The following RANBP2 variants were observed in gnomAD, a reference collection of about 807,000 sequenced individuals.
RANBP2 encodes RAN binding protein 2, also known as E3 SUMO-protein ligase RanBP2.
RANBP2 carries 57 observed loss-of-function variants against 303.6 expected under a neutral mutation model. The ratio of observed to expected loss-of-function variants is 0.19; its 90% CI spans 0.15 to 0.23. The LOEUF (loss-of-function observed/expected upper bound fraction) is 0.23, where lower values mean the gene tolerates loss of function less well. Ranked by LOEUF, RANBP2 falls within the 10% of genes least tolerant of loss-of-function variation. The pLI, the probability that RANBP2 is intolerant of heterozygous loss-of-function variation, is 1.00. For missense variants in RANBP2, 3,138 were observed against 3,780.8 expected, an observed-to-expected ratio of 0.83 and a Z score of 4.46; for synonymous variants, 1,167 against 1,301.5, an observed-to-expected ratio of 0.90 and a Z score of 2.23.
At chr2:109,123,442 T>C in the RANBP2 span, among the ~76,000 whole-genome samples, 2 of 144,294 alleles carry the variant, frequency 1.4e-5, no homozygotes, top group African/African-American at 5.0e-5. Flanking sequence ...CAAGCATGCC[T>C]TTCTCTCTCC....
At chr2:108,921,675 A>ACTCTTTACTC in the RANBP2 span, among the ~76,000 whole-genome samples, 1 of 152,150 alleles carries the variant, frequency 6.6e-6, no homozygotes. Context: ...GCTCTGAGTA[A>ACTCTTTACTC]AGAGATCTCT....
At chr2:108,980,060 A>T in the RANBP2 span, among the ~76,000 whole-genome samples, 1 of 132,894 alleles carries the variant, frequency 7.5e-6, no homozygotes, top group African/African-American at 2.8e-5. Flanking sequence ...CTCACACTTA[A>T]CAGATCGCCC....
At chr2:108,831,037 T>C in the RANBP2 span, among the ~76,000 whole-genome samples, 1 of 152,000 alleles carries the variant, frequency 6.6e-6, no homozygotes, top group Non-Finnish European at 1.5e-5. Flanking sequence ...TAGCCAGGCA[T>C]GGTGGTGCAT....
the RANBP2 span, among the ~76,000 whole-genome samples, chr2:109,590,087 T>C: frequency 2.1e-3 from 316 of 149,168 alleles, no homozygotes; most frequent in Non-Finnish European, 3.6e-3. Flanking sequence ...TATATGTATA[T>C]ATATACACAC....
the RANBP2 span, among the ~76,000 whole-genome samples, chr2:109,035,112 G>A: frequency 9.9e-5 from 15 of 152,188 alleles, no homozygotes; most frequent in Non-Finnish European, 5.9e-5. Context: ...CATGGTACAC[G>A]TATGTTTTTT....
chr2:109,293,079 G>A, the RANBP2 span, among the ~76,000 whole-genome samples: 1 of 152,186 alleles, frequency 6.6e-6, no homozygotes, highest in Non-Finnish European at 1.5e-5. Flanking sequence ...GAGGGTCCCT[G>A]CACAAGCAGG....
Position 108,782,575 on chromosome 2 carries a change from G to A in RANBP2, c.9082G>A (p.Glu3028Lys), listed in dbSNP as rs778782134. Residue 3028 changes from glutamate to lysine, a missense_variant, in exon 28 of 29, where the codon GAA becomes AAA. Transcript: ENST00000283195. ...GCTTGCAGTGAGATTTAAAACTAAA[G>A]AAGTAGCTGATTGTTTCAAGAAAAC... Reference protein sequence around the residue: ...EQLAVRFKTKEVADCFKKTFE... With the variant: ...EQLAVRFKTKKVADCFKKTFE... The A allele has an allele frequency of 2.5e-5, 41 of 1,614,192 alleles. No homozygotes were observed. The highest frequency in any genetic ancestry group is 3.2e-5 in the Non-Finnish European group (38 of 1,180,032).
the RANBP2 span, among the ~76,000 whole-genome samples, chr2:109,592,533 A>T: frequency 6.6e-6 from 1 of 151,944 alleles, no homozygotes; most frequent in East Asian, 1.9e-4. Context: ...TAATCCTAGC[A>T]CTTTGGGAGG....
downstream of RANBP2, chr2:108,786,651 C>T (rs543466215): frequency 3.7e-5 from 23 of 628,398 alleles, no homozygotes; most frequent in Admixed American, 5.3e-4. Flanking sequence ...ACTTGGAGGA[C>T]GCGCTGACAA....
the RANBP2 span, among the ~76,000 whole-genome samples, chr2:108,849,278 A>G: frequency 3.3e-5 from 5 of 152,184 alleles, no homozygotes; most frequent in Non-Finnish European, 7.3e-5. Flanking sequence ...TGAAGAGGGG[A>G]GACAAAAACT....
At chr2:108,955,722 C>T in the RANBP2 span, among the ~76,000 whole-genome samples, 2 of 149,222 alleles carry the variant, frequency 1.3e-5, no homozygotes, top group African/African-American at 4.9e-5. Flanking sequence ...TAAATAAATA[C>T]AATAACATAA....
the RANBP2 span, among the ~76,000 whole-genome samples, chr2:109,092,660 G>T: frequency 1.3e-5 from 2 of 152,120 alleles, no homozygotes; most frequent in Non-Finnish European, 2.9e-5. Context: ...AAGGGAACCT[G>T]GAAACCTGGT....
the RANBP2 span, among the ~76,000 whole-genome samples, chr2:109,248,887 TTCCTGTCCTGTCCTGTCCTGTCCTG>T: frequency 5.5e-5 from 8 of 145,852 alleles, no homozygotes; most frequent in Admixed American, 6.9e-5. Context: ...TTCCTGTCCT[TTCCTGTCCTGTCCTGTCCTGTCCTG>T]TCCTGTCCTG....
chr2:109,236,636 A>T, the RANBP2 span, among the ~76,000 whole-genome samples: 2 of 152,212 alleles, frequency 1.3e-5, no homozygotes, highest in African/African-American at 4.8e-5. Flanking sequence ...CCACGAGAAG[A>T]TGCTGCCCAA....
At chr2:109,400,324 A>G in the RANBP2 span, among the ~76,000 whole-genome samples, 1 of 152,010 alleles carries the variant, frequency 6.6e-6, no homozygotes, top group Admixed American at 6.6e-5. Context: ...ACACACATAT[A>G]CCTGCACACC....
the RANBP2 span, among the ~76,000 whole-genome samples, chr2:109,064,777 G>T: frequency 6.6e-6 from 1 of 152,148 alleles, no homozygotes; most frequent in Non-Finnish European, 1.5e-5. Flanking sequence ...CAGAACTAAG[G>T]TTATTGAAAT....
At chr2:108,989,838 A>G in the RANBP2 span, among the ~76,000 whole-genome samples, 2 of 152,180 alleles carry the variant, frequency 1.3e-5, no homozygotes, top group Admixed American at 1.3e-4. Context: ...ACAGCCTTAA[A>G]ATAATGTCAT....
At chr2:109,014,064 T>C in the RANBP2 span, among the ~76,000 whole-genome samples, 1 of 152,212 alleles carries the variant, frequency 6.6e-6, no homozygotes, top group East Asian at 1.9e-4. Flanking sequence ...GGACAAAATT[T>C]GATATGCATT....
At chr2:109,538,176 C>A in the RANBP2 span, among the ~76,000 whole-genome samples, 3 of 152,174 alleles carry the variant, frequency 2.0e-5, no homozygotes, top group Admixed American at 6.5e-5. Context: ...CCTTCCTCCA[C>A]CCTCCAAGCC....
Sources: allele counts gnomAD v4.1 joint callset (sites outside exome capture counted in the v4.1 genomes callset), GRCh38; gene constraint gnomAD v4.1.1; transcripts MANE v1.5; gene names NCBI Gene and HGNC (gene_info 2026-07-23, HGNC 2026-07-21).